The following ANKRD44 variants were observed in gnomAD, a reference collection of about 807,000 sequenced individuals.
ANKRD44 encodes the protein serine/threonine-protein phosphatase 6 regulatory ankyrin repeat subunit B.
In ANKRD44, 35 loss-of-function variants were observed where a neutral mutation model predicts 116.0. The observed-to-expected ratio is 0.30, with a 90% CI of 0.23 to 0.40. The LOEUF (loss-of-function observed/expected upper bound fraction) is 0.40, where lower values mean the gene tolerates loss of function less well. ANKRD44 is among the 10% of genes least tolerant of loss of function. The probability of loss-of-function intolerance (pLI) is 1.00; values close to 1 mark genes in which losing one functional copy is unlikely to be tolerated. For synonymous variants in ANKRD44, 435 were observed against 461.8 expected (o/e 0.94, Z 0.74); for missense variants, 1,014 against 1,242.6 (o/e 0.82, Z 2.77).
chr2:196,992,501 C>T (rs535834588), intron 27 of ANKRD44, among the ~76,000 whole-genome samples: 1 of 152,286 alleles, frequency 6.6e-6, no homozygotes, highest in South Asian at 2.1e-4. Context: ...AGCAGATTTA[C>T]ACCAGGAAAA....
chr2:197,158,330 G>T (rs2079873594), intron 2 of ANKRD44, among the ~76,000 whole-genome samples: 1 of 152,158 alleles, frequency 6.6e-6, no homozygotes, highest in African/African-American at 2.4e-5. Flanking sequence ...ACACATGGTG[G>T]GAATGTTTTA....
intron 16 of ANKRD44, among the ~76,000 whole-genome samples, chr2:197,063,347 T>C (rs2077358834): frequency 6.6e-6 from 1 of 151,962 alleles, no homozygotes. Context: ...ACCACAAAGA[T>C]GGGGAAAAAA....
chr2:197,238,634 G>C (rs934747192), intron 1 of ANKRD44, among the ~76,000 whole-genome samples: 43 of 151,934 alleles, frequency 2.8e-4, no homozygotes, highest in African/African-American at 1.0e-3. Flanking sequence ...TTGTAAACAA[G>C]GTCTATAGAA....
intron 9 of ANKRD44, among the ~76,000 whole-genome samples, chr2:197,103,672 T>C (rs1282465067): frequency 6.6e-6 from 1 of 152,210 alleles, no homozygotes; most frequent in Non-Finnish European, 1.5e-5. Flanking sequence ...TTCTTTTAAG[T>C]ACCTTATTTC....
At chr2:197,092,868 A>G (rs998759602) in intron 10 of ANKRD44, among the ~76,000 whole-genome samples, 1 of 151,862 alleles carries the variant, frequency 6.6e-6, no homozygotes, top group African/African-American at 2.4e-5. Context: ...TTTTCAATGC[A>G]TAACATGTTT....
At chr2:197,172,268 T>C (rs1167705649) in intron 2 of ANKRD44, among the ~76,000 whole-genome samples, 1 of 151,996 alleles carries the variant, frequency 6.6e-6, no homozygotes. Context: ...TCCCAAAGTG[T>C]TGGGATTACA....
At chr2:197,001,418 T>C (rs922156029) in intron 22 of ANKRD44, among the ~76,000 whole-genome samples, 2 of 152,240 alleles carry the variant, frequency 1.3e-5, no homozygotes, top group African/African-American at 4.8e-5. Flanking sequence ...TCTGTAGGCA[T>C]ACTGTTGTCA....
At chr2:197,015,427 A>G in intron 17 of ANKRD44, 2 of 538,708 alleles carry the variant, frequency 3.7e-6, no homozygotes, top group Non-Finnish European at 6.7e-6. Context: ...TACAGTTGAT[A>G]AAACTGTCAT....
chr2:197,042,187 T>A (rs1397516053), intron 16 of ANKRD44, among the ~76,000 whole-genome samples: 1 of 152,092 alleles, frequency 6.6e-6, no homozygotes, highest in Non-Finnish European at 1.5e-5. Flanking sequence ...CACTGCGGGG[T>A]CCACCTTAGC....
chr2:196,990,823 C>A, intron 27 of ANKRD44: 1 of 1,232,250 alleles, frequency 8.1e-7, no homozygotes, highest in Non-Finnish European at 1.0e-6. Context: ...AAGTTGACAG[C>A]CATCATTGTA....
At chr2:197,218,198 A>T (rs967908254) in intron 1 of ANKRD44, among the ~76,000 whole-genome samples, 1 of 152,194 alleles carries the variant, frequency 6.6e-6, no homozygotes, top group Non-Finnish European at 1.5e-5. Flanking sequence ...GAAAGGATAA[A>T]AAAGATATTC....
intron 21 of ANKRD44, among the ~76,000 whole-genome samples, chr2:196,977,743 C>T (rs1190196106): frequency 6.6e-6 from 1 of 152,108 alleles, no homozygotes; most frequent in African/African-American, 2.4e-5. Flanking sequence ...TTATACATTG[C>T]TGATGGGAAT....
At chr2:196,990,455 A>G (rs2075896364) in intron 27 of ANKRD44, 2 of 1,197,640 alleles carry the variant, frequency 1.7e-6, no homozygotes, top group East Asian at 7.1e-5. Flanking sequence ...ACTTTCACAG[A>G]AGTATCTTAG....
chr2:197,132,653 A>G (rs1473330255), intron 4 of ANKRD44, among the ~76,000 whole-genome samples: 1 of 152,182 alleles, frequency 6.6e-6, no homozygotes, highest in South Asian at 2.1e-4. Context: ...TCCCATAAAC[A>G]TGCTTCAACT....
chr2:197,274,622 A>T (rs1193385024), intron 1 of ANKRD44, among the ~76,000 whole-genome samples: 1 of 152,168 alleles, frequency 6.6e-6, no homozygotes, highest in Non-Finnish European at 1.5e-5. Flanking sequence ...CCCTCGGCCC[A>T]GTCCTGCGTC....
chr2:197,149,040 T>C (rs2125440659), intron 2 of ANKRD44, among the ~76,000 whole-genome samples: 1 of 152,356 alleles, frequency 6.6e-6, no homozygotes, highest in Non-Finnish European at 1.5e-5. Flanking sequence ...GTTTTCTATT[T>C]CTATTGATAA....
At chr2:197,206,680 A>T (rs1040277449) in intron 1 of ANKRD44, among the ~76,000 whole-genome samples, 2 of 152,104 alleles carry the variant, frequency 1.3e-5, no homozygotes, top group Non-Finnish European at 2.9e-5. Flanking sequence ...GCGCCACTAC[A>T]CTCCAGCCTG....
chr2:197,013,483 G>T (rs903420037), intron 18 of ANKRD44, 28 bp downstream of exon 18: 1 of 1,608,068 alleles, frequency 6.2e-7, no homozygotes, highest in Middle Eastern at 1.7e-4. Context: ...CACAAAACTA[G>T]GGTAATCAGG....
chr2:197,108,158 T>A (rs1459710954), intron 9 of ANKRD44, among the ~76,000 whole-genome samples: 3 of 152,218 alleles, frequency 2.0e-5, no homozygotes, highest in Admixed American at 1.3e-4. Flanking sequence ...TCAGACTTCC[T>A]GTGTTCAGAT....
Sources: gnomAD v4.1 joint callset for allele counts (sites outside exome capture counted in the v4.1 genomes callset) on GRCh38, gnomAD v4.1.1 for gene constraint, MANE v1.5 for transcripts, NCBI Gene and HGNC (gene_info 2026-07-23, HGNC 2026-07-21) for gene names.